Variants in ARSB observed in about 807,000 individuals in gnomAD.
ARSB encodes the protein arylsulfatase B, also known as N-acetylgalactosamine-4-sulfatase.
In ARSB, 41 loss-of-function variants were observed where a neutral mutation model predicts 50.9. The ratio of observed to expected loss-of-function variants is 0.81; its 90% confidence interval spans 0.63 to 1.04. The LOEUF (loss-of-function observed/expected upper bound fraction) is 1.04, where lower values mean the gene tolerates loss of function less well. ARSB is among the 50% of genes least tolerant of loss of function. The pLI is 0.00. For missense variants in ARSB, 672 were observed against 693.3 expected (o/e 0.97, Z 0.35); for synonymous variants, 269 against 284.8 (o/e 0.94, Z 0.56).
Position 78,969,099 on chromosome 5 carries a change from C to T in ARSB, c.406G>A (p.Ala136Thr), listed in dbSNP as rs146704780. ...CCGACCATATGGGTAGTATAACCTGCTTCTTTTAGGAGCTGGGGCAGGAGT... is the reference window on the plus strand; with the variant it reads ...CCGACCATATGGGTAGTATAACCTGTTTCTTTTAGGAGCTGGGGCAGGAGT... The part of the protein sequence containing the change: ...EKLLPQLLKE[A>T]GYTTHMVGKW... Residue 136 changes from alanine (A) to threonine (T), a missense_variant, in exon 2 of 8, where the codon GCA (alanine) becomes ACA (threonine). Coordinates refer to ENST00000264914, the MANE Select transcript of ARSB (RefSeq NM_000046.5). 162 of 1,614,170 alleles carry T rather than the reference C, an allele frequency of 1.0e-4. No homozygotes were observed. In the Middle Eastern group the frequency reaches 1.2e-3, roughly 12 times the overall value.
chr5:78,861,556 T>C (rs1746438481), intron 5 of ARSB, among the ~76,000 whole-genome samples: 1 of 152,152 alleles, frequency 6.6e-6, no homozygotes, highest in Admixed American at 6.5e-5. Context: ...TCGACAAAAT[T>C]CAACAATGCT....
intron 5 of ARSB, among the ~76,000 whole-genome samples, chr5:78,869,633 A>G (rs2112142605): frequency 6.6e-6 from 1 of 152,126 alleles, no homozygotes; most frequent in East Asian, 1.9e-4. Flanking sequence ...AAGACACAAC[A>G]TACCAGAATC....
intron 6 of ARSB, among the ~76,000 whole-genome samples, chr5:78,792,689 C>T (rs1481216125): frequency 1.3e-5 from 2 of 152,088 alleles, no homozygotes; most frequent in East Asian, 1.9e-4. Context: ...CATAAGTGCA[C>T]GGATTCTGGG....
chr5:78,807,584 C>A (rs1445384284), intron 6 of ARSB, among the ~76,000 whole-genome samples: 1 of 152,078 alleles, frequency 6.6e-6, no homozygotes, highest in Non-Finnish European at 1.5e-5. Flanking sequence ...AGGAAATGCA[C>A]CTAATTTCCA....
intron 5 of ARSB, among the ~76,000 whole-genome samples, chr5:78,863,853 A>C (rs1288136827): frequency 6.6e-6 from 1 of 152,026 alleles, no homozygotes; most frequent in African/African-American, 2.4e-5. Context: ...CATATCTATA[A>C]TGTTTTATCT....
At chr5:78,781,409 A>G (rs113542830) in intron 7 of ARSB, among the ~76,000 whole-genome samples, 29 of 136,664 alleles carry the variant, frequency 2.1e-4, no homozygotes, top group African/African-American at 7.8e-4. Flanking sequence ...CCCCAGAGAT[A>G]TGTTTTGCAA....
intron 6 of ARSB, among the ~76,000 whole-genome samples, chr5:78,824,715 C>T (rs1224748840): frequency 6.6e-6 from 1 of 152,228 alleles, no homozygotes; most frequent in Non-Finnish European, 1.5e-5. Flanking sequence ...ATCTTTTCAT[C>T]ATGACTTAAC....
At chr5:78,911,506 G>A (rs368264959) in intron 4 of ARSB, among the ~76,000 whole-genome samples, 10 of 140,766 alleles carry the variant, frequency 7.1e-5, no homozygotes, top group East Asian at 4.2e-4. Flanking sequence ...ACCAGGAGGC[G>A]GAGGTTGCAG....
rs950843360 is a variant in ARSB at position 78,850,948 on chromosome 5, C to G, written c.1143-11522G>C. Reference sequence around the variant, plus strand: ...TATTGCGTCTATTTGATTCTTCTCTCTTTTCTTCTTTGTTAGTCTTGCTAG... The same window carrying G: ...TATTGCGTCTATTTGATTCTTCTCTGTTTTCTTCTTTGTTAGTCTTGCTAG... On this transcript the variant is annotated intron_variant, in intron 5 of 7. Coordinates refer to ENST00000264914, the MANE Select transcript of ARSB (RefSeq NM_000046.5). 7.9e-5 allele frequency among the ~76,000 whole-genome samples: 12 copies of G among 152,146 alleles called. No individual in the cohort carries two copies. The South Asian group carries it at 1.2e-3, about 16-fold the overall frequency.
chr5:78,898,654 T>C (rs1748675451), intron 4 of ARSB, among the ~76,000 whole-genome samples: 2 of 152,254 alleles, frequency 1.3e-5, no homozygotes, highest in Admixed American at 1.3e-4. Context: ...CTGAGGCCTG[T>C]ACAAGTCTGA....
chr5:78,971,620 C>T (rs6870550), intron 1 of ARSB, among the ~76,000 whole-genome samples: 40,941 of 152,080 alleles, frequency 0.27, 5,698 homozygotes, highest in Middle Eastern at 0.35. Context: ...TTTGTAACCC[C>T]GGGCAGTAAC....
chr5:78,969,301 A>T, intron 1 of ARSB, 109 bp from the exon 2 acceptor site: 1 of 1,201,244 alleles, frequency 8.3e-7, no homozygotes, highest in South Asian at 1.3e-5. Flanking sequence ...TTGGATGTTT[A>T]ACTCTATTCC....
At chr5:78,929,644 T>A (rs1276350431) in intron 4 of ARSB, among the ~76,000 whole-genome samples, 1 of 151,520 alleles carries the variant, frequency 6.6e-6, no homozygotes, top group Non-Finnish European at 1.5e-5. Context: ...TACAAAAAAA[T>A]TTGCCCAGTG....
chr5:78,807,888 T>C (rs1743628420), intron 6 of ARSB, among the ~76,000 whole-genome samples: 2 of 151,298 alleles, frequency 1.3e-5, no homozygotes, highest in Admixed American at 1.3e-4. Context: ...GGTCAGGAGA[T>C]CGAGACCATC....
chr5:78,894,197 T>C (rs976601761), intron 4 of ARSB, among the ~76,000 whole-genome samples: 9 of 152,174 alleles, frequency 5.9e-5, no homozygotes, highest in Admixed American at 2.6e-4. Context: ...ACAAACAGAA[T>C]TGTGGTTTCA....
chr5:78,842,089 C>T (rs1467832007), intron 5 of ARSB, among the ~76,000 whole-genome samples: 1 of 147,932 alleles, frequency 6.8e-6, no homozygotes, highest in Non-Finnish European at 1.5e-5. Flanking sequence ...AGTAATTATA[C>T]CCTCCACCAC....
At chr5:78,827,711 C>A (rs1345550787) in intron 6 of ARSB, among the ~76,000 whole-genome samples, 2 of 152,176 alleles carry the variant, frequency 1.3e-5, no homozygotes, top group Non-Finnish European at 2.9e-5. Flanking sequence ...TCTATCAAGT[C>A]CTTTCAGGCA....
At chr5:78,795,368 G>A (rs1743140585) in intron 6 of ARSB, among the ~76,000 whole-genome samples, 1 of 152,170 alleles carries the variant, frequency 6.6e-6, no homozygotes, top group Non-Finnish European at 1.5e-5. Flanking sequence ...GGTACATGTG[G>A]GGAGTGAGGG....
At position 78,913,111 on chromosome 5, in the gene ARSB, T is replaced by A. The variant is rs1749378071; in HGVS notation, c.899-27284A>T. Reference sequence around the variant, plus strand: ...TGAGAACCAGGCTTTTAAAATGTAGTTTTAATTCGCTTTTTTTTTTTTTTT... The same window carrying A: ...TGAGAACCAGGCTTTTAAAATGTAGATTTAATTCGCTTTTTTTTTTTTTTT... On this transcript the variant is annotated intron_variant, in intron 4 of 7. Coordinates refer to ENST00000264914, the MANE Select transcript of ARSB (RefSeq NM_000046.5). Among the ~76,000 whole-genome samples, 3 of 139,444 alleles carry A rather than the reference T, an allele frequency of 2.2e-5. No homozygotes were observed. In the Admixed American group the frequency reaches 2.4e-4, roughly 11 times the overall value. The allele number at this position is 139,444 out of a possible 152,430, so 91.5% of individuals were successfully genotyped here.
Sources: allele counts gnomAD v4.1 joint callset (sites outside exome capture counted in the v4.1 genomes callset), GRCh38; gene constraint gnomAD v4.1.1; transcripts MANE v1.5; gene names NCBI Gene and HGNC (gene_info 2026-07-23, HGNC 2026-07-21).